Variants in CHCHD6 observed in about 807,000 individuals in gnomAD.
The protein encoded by CHCHD6 is MICOS complex subunit MIC25.
In CHCHD6, 28 loss-of-function variants were observed where a neutral mutation model predicts 32.3. The observed-to-expected ratio is 0.87, with a 90% CI of 0.64 to 1.19. The LOEUF is 1.19. Among genes scored for constraint, CHCHD6 ranks in the 50% most tolerant of loss-of-function variants. CHCHD6 has a pLI of 0.00. For synonymous variants in CHCHD6, 122 were observed against 117.5 expected, an observed-to-expected ratio of 1.04 and a Z score of -0.25; for missense variants, 333 against 307.0, an observed-to-expected ratio of 1.08 and a Z score of -0.63.
chr3:126,939,686 A>G (rs1003359063), intron 6 of CHCHD6, among the ~76,000 whole-genome samples: 5 of 152,264 alleles, frequency 3.3e-5, no homozygotes, highest in African/African-American at 1.2e-4. Context: ...GGACGCCAAA[A>G]TAAAATGACT....
intron 4 of CHCHD6, among the ~76,000 whole-genome samples, chr3:126,796,148 G>A (rs1045429579): frequency 1.3e-5 from 2 of 152,022 alleles, no homozygotes; most frequent in African/African-American, 2.4e-5. Flanking sequence ...AGTTCAAGAC[G>A]AGCCTGGGCA....
chr3:126,753,911 G>T (rs1936839511), intron 4 of CHCHD6, among the ~76,000 whole-genome samples: 1 of 152,232 alleles, frequency 6.6e-6, no homozygotes. Flanking sequence ...CCTGAGAGGG[G>T]TGGAGAGGAA....
At chr3:126,767,537 C>G (rs1209494019) in intron 4 of CHCHD6, 1 of 471,868 alleles carries the variant, frequency 2.1e-6, no homozygotes, top group Non-Finnish European at 3.9e-6. Flanking sequence ...ATTTTCCCAC[C>G]AGGCACCTGT....
intron 5 of CHCHD6, among the ~76,000 whole-genome samples, chr3:126,856,885 G>A (rs1177985107): frequency 1.3e-5 from 2 of 152,186 alleles, no homozygotes; most frequent in Admixed American, 6.5e-5. Context: ...GTGACCCTGA[G>A]CATGTCATTA....
intron 5 of CHCHD6, among the ~76,000 whole-genome samples, chr3:126,880,814 A>G (rs1396062529): frequency 6.6e-6 from 1 of 152,252 alleles, no homozygotes; most frequent in African/African-American, 2.4e-5. Flanking sequence ...TGTGTACTCA[A>G]GGAAATTAAA....
intron 4 of CHCHD6, among the ~76,000 whole-genome samples, chr3:126,768,408 G>T (rs1937464346): frequency 6.6e-6 from 1 of 152,134 alleles, no homozygotes; most frequent in Non-Finnish European, 1.5e-5. Flanking sequence ...GGAAGAACTT[G>T]TTCTTCTTGT....
chr3:126,861,593 C>T (rs1941872504), intron 5 of CHCHD6, among the ~76,000 whole-genome samples: 1 of 151,646 alleles, frequency 6.6e-6, no homozygotes, highest in African/African-American at 2.4e-5. Flanking sequence ...TCCATCACTA[C>T]CTCCACCATT....
intron 6 of CHCHD6, among the ~76,000 whole-genome samples, chr3:126,946,602 G>C (rs1467935199): frequency 6.6e-6 from 1 of 152,200 alleles, no homozygotes; most frequent in Non-Finnish European, 1.5e-5. Flanking sequence ...AATCCCGTGT[G>C]GCGTGTTGAT....
intron 5 of CHCHD6, among the ~76,000 whole-genome samples, chr3:126,858,693 C>T (rs1266542817): frequency 1.3e-5 from 2 of 152,216 alleles, no homozygotes; most frequent in East Asian, 1.9e-4. Context: ...CAGAATGCGG[C>T]AGGCCCACTG....
intron 4 of CHCHD6, among the ~76,000 whole-genome samples, chr3:126,770,575 T>C (rs1253140473): frequency 6.6e-6 from 1 of 152,222 alleles, no homozygotes; most frequent in African/African-American, 2.4e-5. Context: ...TCTGCATCTA[T>C]TGAGATGGTC....
intron 4 of CHCHD6, among the ~76,000 whole-genome samples, chr3:126,754,095 T>C (rs527811553): frequency 6.6e-6 from 1 of 152,328 alleles, no homozygotes; most frequent in South Asian, 2.1e-4. Context: ...AAAATAGTCA[T>C]AGCAGTTAGA....
chr3:126,810,346 C>G (rs1461515818), intron 4 of CHCHD6, among the ~76,000 whole-genome samples: 1 of 152,124 alleles, frequency 6.6e-6, no homozygotes, highest in Non-Finnish European at 1.5e-5. Flanking sequence ...AAATCTTTAC[C>G]TGTCATAGTG....
At chr3:126,915,361 G>A (rs907145801) in intron 6 of CHCHD6, among the ~76,000 whole-genome samples, 4 of 152,224 alleles carry the variant, frequency 2.6e-5, no homozygotes, top group Non-Finnish European at 5.9e-5. Context: ...ACAGGAGCAG[G>A]GAGGTGCTCA....
At chr3:126,956,362 G>A (rs150994871) in intron 6 of CHCHD6, among the ~76,000 whole-genome samples, 225 of 152,312 alleles carry the variant, frequency 1.5e-3, no homozygotes, top group African/African-American at 4.4e-3. Context: ...GAAAACAAAT[G>A]AGCAGCAACA....
intron 4 of CHCHD6, among the ~76,000 whole-genome samples, chr3:126,850,048 A>G (rs1576492330): frequency 6.6e-6 from 1 of 152,166 alleles, no homozygotes; most frequent in East Asian, 1.9e-4. Flanking sequence ...GCACTGACAC[A>G]CAGGCATTTG....
intron 4 of CHCHD6, among the ~76,000 whole-genome samples, chr3:126,850,350 G>C (rs1423115591): frequency 2.0e-5 from 3 of 152,226 alleles, no homozygotes; most frequent in African/African-American, 7.2e-5. Context: ...GACATGAATA[G>C]AAAAGTAGGC....
intron 5 of CHCHD6, among the ~76,000 whole-genome samples, chr3:126,886,208 A>G (rs533240999): frequency 3.1e-4 from 47 of 152,322 alleles, no homozygotes; most frequent in African/African-American, 1.0e-3. Flanking sequence ...AAACTTTTAT[A>G]GATATAAAGC....
intron 4 of CHCHD6, among the ~76,000 whole-genome samples, chr3:126,791,400 G>A (rs1003304740): frequency 1.5e-4 from 23 of 152,202 alleles, no homozygotes; most frequent in African/African-American, 4.8e-4. Flanking sequence ...CCTTTTGTTC[G>A]GCTATGCCCT....
At chr3:126,849,325 C>T (rs1039491928) in intron 4 of CHCHD6, among the ~76,000 whole-genome samples, 1 of 152,238 alleles carries the variant, frequency 6.6e-6, no homozygotes, top group Non-Finnish European at 1.5e-5. Flanking sequence ...TGGCTTCAGC[C>T]TCACCCACTG....
Sources: gnomAD v4.1 joint callset for allele counts (sites outside exome capture counted in the v4.1 genomes callset) on GRCh38, gnomAD v4.1.1 for gene constraint, MANE v1.5 for transcripts, NCBI Gene and HGNC (gene_info 2026-07-23, HGNC 2026-07-21) for gene names.